The following KRTAP9-3 variants were observed in gnomAD, a reference collection of about 807,000 sequenced individuals.
KRTAP9-3 encodes keratin associated protein 9-3.
Under a neutral mutation model 13.0 loss-of-function variants are expected in KRTAP9-3, and 12 were observed. That is an observed-to-expected ratio of 0.93 (90% CI 0.59 to 1.50). The LOEUF is 1.50. KRTAP9-3 is among the 40% of genes most tolerant of loss of function. The pLI, the probability that KRTAP9-3 is intolerant of heterozygous loss-of-function variation, is 0.00. For missense variants in KRTAP9-3, 232 were observed against 195.2 expected (o/e 1.19, Z -1.12); for synonymous variants, 89 against 68.7 (o/e 1.29, Z -1.46).
At position 41,233,347 on chromosome 17, in the gene KRTAP9-3, T is replaced by C. The variant is rs925505789; in HGVS notation, c.*366T>C. ...TTCATTTTAAATATCCTTCTCATGG[T>C]TCTTGTATCCTTCTTTCTTCTTTTC... On this transcript the variant is annotated 3_prime_UTR_variant, in exon 1 of 1. Transcript: ENST00000411528. The C allele has an allele frequency of 3.2e-5, 11 of 345,354 alleles. No homozygotes were observed. Among genetic ancestry groups the C allele is most frequent in the Non-Finnish European group, 4.9e-5 (9 of 184,586 alleles). The allele number at this position is 345,354 out of a possible 1,614,324, so 21.4% of individuals were successfully genotyped here.
chr17:41,233,443 A>G lies in KRTAP9-3; in HGVS notation c.*462A>G, dbSNP rs116598638. The G allele has an allele frequency of 0.01, 2,416 of 232,974 alleles. 205 individuals are homozygous for G. The highest frequency in any genetic ancestry group is 0.058 in the African/African-American group (2,291 of 39,788). 14.4% of individuals were successfully genotyped at this position (232,974 alleles called of 1,614,324 possible). ...TATGTTTCTGAATAAACTCTGAACC[A>G]TCTTCATCTCATATAGTGTTTTGTT... On this transcript the variant is annotated 3_prime_UTR_variant, in exon 1 of 1. Coordinates refer to ENST00000411528, the MANE Select transcript of KRTAP9-3 (RefSeq NM_031962.3).
rs371122853 is a variant in KRTAP9-3, at chr17:41,232,575, C to T, written c.74C>T (p.Thr25Ile). 1.3e-5 allele frequency: 21 copies of T among 1,603,602 alleles called. No individual in the cohort carries two copies. In the Admixed American group the frequency reaches 1.5e-4, roughly 12 times the overall value. The change falls in exon 1 of 1, where the codon ACC becomes ATC. Residue 25 changes from threonine (T) to isoleucine (I), a missense_variant. Physicochemically the swap from Thr to Ile is moderately conservative, Grantham distance 89. Coordinates refer to ENST00000411528, the MANE Select transcript of KRTAP9-3 (RefSeq NM_031962.3). ...RTTCWQPTTV[T>I]TCSSTPCCQP... ...ACCTGCTGGCAGCCCACCACTGTGA[C>T]CACCTGCAGCAGCACACCCTGCTGT...
rs771166033 is a variant in KRTAP9-3, at chr17:41,232,833, T to A, written c.332T>A (p.Val111Asp). Reference protein sequence around the residue: ...CRRTCYHPTSVCLPGCLNQSC... With the variant: ...CRRTCYHPTSDCLPGCLNQSC... ...AGAACCTGCTACCACCCCACAAGTG[T>A]TTGTCTGCCTGGTTGCCTAAACCAG... Residue 111 changes from valine (V) to aspartate (D), a missense_variant, in exon 1 of 1, where the codon GTT becomes GAT. Coordinates refer to ENST00000411528, the MANE Select transcript of KRTAP9-3 (RefSeq NM_031962.3). 114 of 1,607,722 alleles carry A rather than the reference T, an allele frequency of 7.1e-5. 1 individual carries two copies. Among genetic ancestry groups the A allele is most frequent in the Non-Finnish European group, 9.1e-5 (107 of 1,179,940 alleles).
In KRTAP9-3 at chr17:41,233,188, G is replaced by T. The variant is rs769882853; in HGVS notation, c.*207G>T. The T allele has an allele frequency of 1.1e-6, 1 of 880,358 alleles. No individual in the cohort carries two copies. Among genetic ancestry groups the T allele is most frequent in the Non-Finnish European group, 1.7e-6 (1 of 579,998 alleles). 54.5% of individuals were successfully genotyped at this position (880,358 alleles called of 1,614,324 possible). Reference sequence around the variant, plus strand: ...ATTCCCTCTTTCCTTACACCTTGTGGATCATGTGCCAGCTTCGTCTGTTCT... The same window carrying T: ...ATTCCCTCTTTCCTTACACCTTGTGTATCATGTGCCAGCTTCGTCTGTTCT... On this transcript the variant is annotated 3_prime_UTR_variant, in exon 1 of 1. Transcript: ENST00000411528.
In KRTAP9-3 at chr17:41,232,818, A is replaced by G. The variant is rs2015880060; in HGVS notation, c.317A>G (p.Tyr106Cys). 6.2e-7 allele frequency: 1 copy of G among 1,607,542 alleles called. No individual in the cohort carries two copies. The change falls in exon 1 of 1, where the codon TAC (tyrosine) becomes TGC (cysteine). Residue 106 changes from tyrosine (Y) to cysteine (C), a missense_variant. Transcript: ENST00000411528. The part of the protein sequence containing the change: ...CAPVYCRRTC[Y>C]HPTSVCLPGC... ...CCTGTGTACTGCAGAAGAACCTGCT[A>G]CCACCCCACAAGTGTTTGTCTGCCT...
In KRTAP9-3 at chr17:41,233,180, A is replaced by G; in HGVS notation, c.*199A>G. The G allele has an allele frequency of 2.2e-6, 2 of 921,546 alleles. No individual in the cohort carries two copies. Among genetic ancestry groups the G allele is most frequent in the Non-Finnish European group, 3.3e-6 (2 of 615,282 alleles). The allele number at this position is 921,546 out of a possible 1,614,324, so 57.1% of individuals were successfully genotyped here. On this transcript the variant is annotated 3_prime_UTR_variant, in exon 1 of 1. Coordinates refer to ENST00000411528, the MANE Select transcript of KRTAP9-3 (RefSeq NM_031962.3). ...TCATCCTCATTCCCTCTTTCCTTAC[A>G]CCTTGTGGATCATGTGCCAGCTTCG...
chr17:41,232,978 C>A, the KRTAP9-3 span: 2 of 1,608,626 alleles, frequency 1.2e-6, no homozygotes, highest in Non-Finnish European at 1.7e-6. Context: ...CTTCTTGCTG[C>A]TAATCAACTC....
rs768425782 is a variant in KRTAP9-3, at chr17:41,232,604, C to T, written c.103C>T (p.Pro35Ser). ...TTCSSTPCCQ[P>S]SCCVSSCCQP... is the part of the protein sequence containing the mutation. ...CTGCAGCAGCACACCCTGCTGTCAGCCCTCCTGCTGTGTTTCCAGCTGCTG... is the reference window on the plus strand; with the variant it reads ...CTGCAGCAGCACACCCTGCTGTCAGTCCTCCTGCTGTGTTTCCAGCTGCTG... Residue 35 changes from proline (P) to serine (S), a missense_variant, in exon 1 of 1, where the codon CCC (proline) becomes TCC (serine). Physicochemically the swap from Pro to Ser is moderately conservative, Grantham distance 74. Transcript: ENST00000411528. 47 of 1,603,054 alleles carry T rather than the reference C, an allele frequency of 2.9e-5. 1 individual carries two copies. Among genetic ancestry groups the T allele is most frequent in the Non-Finnish European group, 3.9e-5 (46 of 1,176,044 alleles).
chr17:41,233,187 G>A lies in KRTAP9-3; in HGVS notation c.*206G>A. 1.1e-6 allele frequency: 1 copy of A among 886,724 alleles called. No homozygotes were observed. Among genetic ancestry groups the A allele is most frequent in the Non-Finnish European group, 1.7e-6 (1 of 586,002 alleles). 54.9% of individuals were successfully genotyped at this position (886,724 alleles called of 1,614,324 possible). A position where few individuals can be genotyped will look rare whatever the true frequency, so the allele number is the denominator to read the frequency against. On this transcript the variant is annotated 3_prime_UTR_variant, in exon 1 of 1. Coordinates refer to ENST00000411528, the MANE Select transcript of KRTAP9-3 (RefSeq NM_031962.3). The stretch of plus-strand genomic sequence containing the variant: ...CATTCCCTCTTTCCTTACACCTTGT[G>A]GATCATGTGCCAGCTTCGTCTGTTC...
rs760885095 is a variant in KRTAP9-3 at position 41,232,722 on chromosome 17, C to A, written c.221C>A (p.Ser74Tyr). The A allele has an allele frequency of 6.2e-7, 1 of 1,608,594 alleles. No homozygotes were observed. Among genetic ancestry groups the A allele is most frequent in the Non-Finnish European group, 8.5e-7 (1 of 1,179,952 alleles). The change falls in exon 1 of 1, where the codon TCC becomes TAC. Residue 74 changes from serine (S) to tyrosine (Y), a missense_variant. Physicochemically the swap from Ser to Tyr is moderately radical, Grantham distance 144. Transcript: ENST00000411528. ...TGTGTGACCAGCTGCTGCCAGCCTT[C>A]CTGCTGTAGCACACCCTGCTGCCAG... Reference protein sequence around the residue: ...PICVTSCCQPSCCSTPCCQPT... With the variant: ...PICVTSCCQPYCCSTPCCQPT...
In KRTAP9-3 at chr17:41,232,629, G is replaced by C. The variant is rs923909863; in HGVS notation, c.128G>C (p.Cys43Ser). 1.2e-6 allele frequency: 2 copies of C among 1,603,510 alleles called. No individual in the cohort carries two copies. Among genetic ancestry groups the C allele is most frequent in the African/African-American group, 2.9e-5 (2 of 69,078 alleles). The change falls in exon 1 of 1, where the codon TGC becomes TCC. Residue 43 changes from cysteine (C) to serine (S), a missense_variant. Physicochemically the swap from Cys to Ser is moderately radical, Grantham distance 112. Transcript: ENST00000411528. The part of the protein sequence containing the change: ...CQPSCCVSSC[C>S]QPCCHPTCCQ... ...CCCTCCTGCTGTGTTTCCAGCTGCT[G>C]CCAGCCTTGCTGCCACCCAACTTGC...
At position 41,232,960 on chromosome 17, in the gene KRTAP9-3, C is replaced by T. The variant is rs760494452; in HGVS notation, c.459C>T (p.Cys153=). Residue 153 remains cysteine (C), a synonymous_variant, in exon 1 of 1, where the codon TGC becomes TGT. Coordinates refer to ENST00000411528, the MANE Select transcript of KRTAP9-3 (RefSeq NM_031962.3). The part of the protein sequence containing the change: ...TCFQPTCVYS[C]CQPSCC ...TCCAGCCCACCTGTGTGTACAGCTGCTGCCAGCCTTCTTGCTGCTAATCAA... is the reference window on the plus strand; with the variant it reads ...TCCAGCCCACCTGTGTGTACAGCTGTTGCCAGCCTTCTTGCTGCTAATCAA... The T allele has an allele frequency of 1.2e-6, 2 of 1,608,978 alleles. No homozygotes were observed. Among genetic ancestry groups the T allele is most frequent in the Non-Finnish European group, 1.7e-6 (2 of 1,179,848 alleles).
chr17:41,232,482 C>T lies in KRTAP9-3; in HGVS notation c.-20C>T, dbSNP rs1316524091. 6.2e-6 allele frequency: 10 copies of T among 1,603,230 alleles called. No homozygotes were observed. Among genetic ancestry groups the T allele is most frequent in the Non-Finnish European group, 7.6e-6 (9 of 1,177,794 alleles). ...GGAAACTCACCTCTTAACAGAAGCC[C>T]ACCCTCCATCCCTGACACCATGACC... On this transcript the variant is annotated 5_prime_UTR_variant, in exon 1 of 1. Transcript: ENST00000411528.
chr17:41,232,506 C>T lies in KRTAP9-3; in HGVS notation c.5C>T (p.Thr2Ile), dbSNP rs752916950. ...CCACCCTCCATCCCTGACACCATGA[C>T]CCACTGTTGCTCCCCTTGCTGTCAG... Reference protein sequence around the residue: MTHCCSPCCQPT... With the variant: MIHCCSPCCQPT... Residue 2 changes from threonine to isoleucine, a missense_variant, in exon 1 of 1, where the codon ACC (threonine) becomes ATC (isoleucine). Thr to Ile is a moderately conservative substitution (Grantham distance 89). Coordinates refer to ENST00000411528, the MANE Select transcript of KRTAP9-3 (RefSeq NM_031962.3). 3.1e-6 allele frequency: 5 copies of T among 1,605,838 alleles called. No homozygotes were observed. The highest frequency in any genetic ancestry group is 1.1e-5 in the South Asian group (1 of 90,970).
rs368370101 is a variant in KRTAP9-3, at chr17:41,232,756, C to T, written c.255C>T (p.Cys85=). The change falls in exon 1 of 1, where the codon TGC becomes TGT. Residue 85 remains cysteine, a synonymous_variant. Transcript: ENST00000411528. ...CCSTPCCQPT[C]CGSSCGQSSS... ...GCACACCCTGCTGCCAGCCCACATG[C>T]TGTGGGTCCAGCTGTGGTCAGAGCA... 46 of 1,608,400 alleles carry T rather than the reference C, an allele frequency of 2.9e-5. 1 individual carries two copies. The highest frequency in any genetic ancestry group is 3.6e-5 in the Non-Finnish European group (42 of 1,179,956).
chr17:41,232,753 A>C lies in KRTAP9-3; in HGVS notation c.252A>C (p.Thr84=), dbSNP rs147533707. The change falls in exon 1 of 1, where the codon ACA becomes ACC. Residue 84 remains threonine (T), a synonymous_variant. Coordinates refer to ENST00000411528, the MANE Select transcript of KRTAP9-3 (RefSeq NM_031962.3). ...GTAGCACACCCTGCTGCCAGCCCAC[A>C]TGCTGTGGGTCCAGCTGTGGTCAGA... ...SCCSTPCCQP[T]CCGSSCGQSS... is the part of the protein sequence containing the mutation. 7.4e-5 allele frequency: 118 copies of C among 1,605,018 alleles called. 18 individuals are homozygous for C. In the African/African-American group the frequency reaches 1.4e-3, roughly 19 times the overall value.
chr17:41,232,898 G>T lies in KRTAP9-3; in HGVS notation c.397G>T (p.Ala133Ser), dbSNP rs1327496617. 1.9e-6 allele frequency: 3 copies of T among 1,606,252 alleles called. No homozygotes were observed. The highest frequency in any genetic ancestry group is 1.7e-6 in the Non-Finnish European group (2 of 1,179,496). Residue 133 changes from alanine to serine, a missense_variant, in exon 1 of 1, where the codon GCC (alanine) becomes TCC (serine). Ala to Ser is a moderately conservative substitution (Grantham distance 99). Transcript: ENST00000411528. ...CTGCTGCCAGCCCTGCTGCCGCCCA[G>T]CCTGCTGTGAGACCACCTGCTGCAG... ...SNCCQPCCRP[A>S]CCETTCCRTT...
chr17:41,232,746 A>T lies in KRTAP9-3; in HGVS notation c.245A>T (p.Gln82Leu). Reference sequence around the variant, plus strand: ...TCCTGCTGTAGCACACCCTGCTGCCAGCCCACATGCTGTGGGTCCAGCTGT... The same window carrying T: ...TCCTGCTGTAGCACACCCTGCTGCCTGCCCACATGCTGTGGGTCCAGCTGT... ...QPSCCSTPCC[Q>L]PTCCGSSCGQ... is the part of the protein sequence containing the mutation. The change falls in exon 1 of 1, where the codon CAG becomes CTG. Residue 82 changes from glutamine to leucine, a missense_variant. Transcript: ENST00000411528. The T allele has an allele frequency of 6.2e-7, 1 of 1,607,856 alleles. No homozygotes were observed. The highest frequency in any genetic ancestry group is 8.5e-7 in the Non-Finnish European group (1 of 1,179,756).
At position 41,232,809 on chromosome 17, in the gene KRTAP9-3, G is replaced by A. The variant is rs752325167; in HGVS notation, c.308G>A (p.Arg103Lys). The change falls in exon 1 of 1, where the codon AGA becomes AAA. Residue 103 changes from arginine (R) to lysine (K), a missense_variant. Physicochemically the swap from Arg to Lys is conservative, Grantham distance 26 (BLOSUM62 2). Coordinates refer to ENST00000411528, the MANE Select transcript of KRTAP9-3 (RefSeq NM_031962.3). ...SSSCAPVYCR[R>K]TCYHPTSVCL... ...TCCTGTGCACCTGTGTACTGCAGAA[G>A]AACCTGCTACCACCCCACAAGTGTT... is the stretch of plus-strand genomic sequence containing the variant. 18 of 1,607,964 alleles carry A rather than the reference G, an allele frequency of 1.1e-5. No individual in the cohort carries two copies. The Admixed American group carries it at 1.7e-4, about 15-fold the overall frequency.
Sources: gnomAD v4.1 joint callset for allele counts on GRCh38, gnomAD v4.1.1 for gene constraint, MANE v1.5 for transcripts, NCBI Gene and HGNC (gene_info 2026-07-23, HGNC 2026-07-21) for gene names.